MYO10: variants seen among roughly 807,000 people sequenced by gnomAD.
MYO10 encodes myosin X, also known as unconventional myosin-X.
A neutral mutation model predicts 257.3 loss-of-function variants in MYO10; 133 were observed. The ratio of observed to expected loss-of-function variants is 0.52; its 90% CI spans 0.45 to 0.60. MYO10 has a LOEUF of 0.60. Among genes scored for constraint, MYO10 ranks in the 20% least tolerant of loss-of-function variants. MYO10 has a pLI of 0.00. For missense variants in MYO10, 2,399 were observed against 2,635.7 expected (o/e 0.91, Z 1.97); for synonymous variants, 1,104 against 1,028.6 (o/e 1.07, Z -1.40).
In MYO10 at chr5:16,769,149, G is replaced by T; in HGVS notation, c.985C>A (p.Leu329Met). Residue 329 changes from leucine to methionine, a missense_variant, in exon 10 of 41, where the codon CTG (leucine) becomes ATG (methionine). Coordinates refer to ENST00000513610, the MANE Select transcript of MYO10 (RefSeq NM_012334.3). ...CCAAGATGCAGTATACCAGCAAGCAGCCTCGACACTTCCCGAACTTCCTCC... is the reference window on the plus strand; with the variant it reads ...CCAAGATGCAGTATACCAGCAAGCATCCTCGACACTTCCCGAACTTCCTCC... ...SKEEVREVSR[L>M]LAGILHLGNI... 3 of 1,612,682 alleles carry T rather than the reference G, an allele frequency of 1.9e-6. No homozygotes were observed. Among genetic ancestry groups the T allele is most frequent in the Non-Finnish European group, 2.5e-6 (3 of 1,179,446 alleles).
At chr5:16,881,108 C>A (rs947749671) in intron 1 of MYO10, among the ~76,000 whole-genome samples, 1 of 151,500 alleles carries the variant, frequency 6.6e-6, no homozygotes, top group African/African-American at 2.4e-5. Flanking sequence ...AACCCAGAAC[C>A]CCTAGTCCAA....
intron 2 of MYO10, among the ~76,000 whole-genome samples, chr5:16,867,550 AG>A (rs1225388314): frequency 6.6e-6 from 1 of 152,234 alleles, no homozygotes; most frequent in Non-Finnish European, 1.5e-5. Context: ...AAATGCAATG[AG>A]AAGTCACTAC....
intron 1 of MYO10, among the ~76,000 whole-genome samples, chr5:16,894,732 A>T (rs553332763): frequency 1.3e-5 from 2 of 152,260 alleles, no homozygotes; most frequent in African/African-American, 4.8e-5. Context: ...GATCATTGAA[A>T]CTTGACACCA....
intron 9 of MYO10, among the ~76,000 whole-genome samples, chr5:16,773,955 T>A (rs1741136729): frequency 6.6e-6 from 1 of 152,186 alleles, no homozygotes; most frequent in Non-Finnish European, 1.5e-5. Flanking sequence ...TAAAACCAGT[T>A]CTCGCCAATG....
At chr5:16,785,007 G>A (rs75507105) in intron 4 of MYO10, among the ~76,000 whole-genome samples, 74 of 127,330 alleles carry the variant, frequency 5.8e-4, no homozygotes, top group African/African-American at 1.9e-3. Flanking sequence ...AGGTTTGCGC[G>A]CACACACACG....
At chr5:16,684,904 G>A (rs553087685) in intron 29 of MYO10, among the ~76,000 whole-genome samples, 8 of 152,072 alleles carry the variant, frequency 5.3e-5, no homozygotes, top group Non-Finnish European at 7.4e-5. Flanking sequence ...AAAATTAGCC[G>A]GGTGTGGCGG....
intron 2 of MYO10, among the ~76,000 whole-genome samples, chr5:16,825,211 A>G (rs2625195): frequency 0.1 from 15,516 of 152,174 alleles, 2,445 homozygotes; most frequent in African/African-American, 0.34. Flanking sequence ...TTGGGGTCTC[A>G]GCTCAAATGC....
At chr5:16,676,445 G>A (rs979723092) in intron 33 of MYO10, among the ~76,000 whole-genome samples, 1 of 152,164 alleles carries the variant, frequency 6.6e-6, no homozygotes, top group Non-Finnish European at 1.5e-5. Context: ...AGCAGAGCAC[G>A]GTGGCTCACA....
intron 1 of MYO10, among the ~76,000 whole-genome samples, chr5:16,900,794 C>CA: frequency 6.8e-6 from 1 of 146,828 alleles, no homozygotes; most frequent in Non-Finnish European, 1.5e-5. Flanking sequence ...GGCTGGAGTG[C>CA]AATGGTGCCA....
intron 1 of MYO10, among the ~76,000 whole-genome samples, chr5:16,904,192 G>T (rs1745458588): frequency 6.6e-6 from 1 of 152,084 alleles, no homozygotes; most frequent in Admixed American, 6.6e-5. Context: ...GGACACATGG[G>T]GGTTTCTGGA....
At chr5:16,827,286 T>C (rs1743029111) in intron 2 of MYO10, among the ~76,000 whole-genome samples, 1 of 152,142 alleles carries the variant, frequency 6.6e-6, no homozygotes. Context: ...GTTAACATTA[T>C]CTTTTTTTGT....
intron 3 of MYO10, among the ~76,000 whole-genome samples, chr5:16,795,862 C>G (rs574865553): frequency 3.1e-4 from 47 of 152,084 alleles, no homozygotes; most frequent in Non-Finnish European, 5.9e-4. Flanking sequence ...GAGTTAGCTA[C>G]AGCTTTTAAA....
At chr5:16,775,625 CAG>C (rs1276308150) in intron 9 of MYO10, among the ~76,000 whole-genome samples, 1 of 151,708 alleles carries the variant, frequency 6.6e-6, no homozygotes, top group Non-Finnish European at 1.5e-5. Context: ...TTTCTCGAGA[CAG>C]AGTCTTGCTC....
intron 3 of MYO10, among the ~76,000 whole-genome samples, chr5:16,802,518 G>A (rs1243264913): frequency 2.0e-5 from 3 of 151,628 alleles, no homozygotes; most frequent in Admixed American, 1.3e-4. Flanking sequence ...TTAGCCGGGC[G>A]TAGTGGCAGG....
At chr5:16,909,900 C>G (rs1745615926) in intron 1 of MYO10, among the ~76,000 whole-genome samples, 1 of 152,124 alleles carries the variant, frequency 6.6e-6, no homozygotes, top group South Asian at 2.1e-4. Context: ...TCTCCCCTCT[C>G]TATTGCTTCC....
chr5:16,670,213 A>AC (rs1736379951), intron 39 of MYO10, among the ~76,000 whole-genome samples: 1 of 152,350 alleles, frequency 6.6e-6, no homozygotes, highest in South Asian at 2.1e-4. Flanking sequence ...TACAGCTATA[A>AC]CATTTTTTTA....
intron 2 of MYO10, among the ~76,000 whole-genome samples, chr5:16,819,662 T>C (rs1254138224): frequency 6.6e-6 from 1 of 152,146 alleles, no homozygotes; most frequent in Non-Finnish European, 1.5e-5. Context: ...TGCAATCATA[T>C]GTGTGGAATG....
At chr5:16,863,125 C>T (rs1744152244) in intron 2 of MYO10, among the ~76,000 whole-genome samples, 1 of 152,206 alleles carries the variant, frequency 6.6e-6, no homozygotes. Context: ...AGAAAATCAA[C>T]AAATGGACCC....
intron 2 of MYO10, among the ~76,000 whole-genome samples, chr5:16,865,284 C>G (rs1395863876): frequency 1.3e-5 from 2 of 152,164 alleles, no homozygotes; most frequent in East Asian, 3.9e-4. Context: ...GAGAAGGACC[C>G]TTCACCCGCA....
Sources: allele counts gnomAD v4.1 joint callset (sites outside exome capture counted in the v4.1 genomes callset), GRCh38; gene constraint gnomAD v4.1.1; transcripts MANE v1.5; gene names NCBI Gene and HGNC (gene_info 2026-07-23, HGNC 2026-07-21).